CSMD1: variants seen among roughly 807,000 people sequenced by gnomAD.
The protein encoded by CSMD1 is CUB and Sushi multiple domains 1.
CSMD1 carries 213 observed loss-of-function variants against 417.5 expected under a neutral mutation model. That is an observed-to-expected ratio of 0.51 (90% CI 0.46 to 0.57). CSMD1 has a LOEUF of 0.57. Among genes scored for constraint, CSMD1 ranks in the 20% least tolerant of loss-of-function variants. The pLI is 0.00. For synonymous variants in CSMD1, 2,862 were observed against 1,736.8 expected, an observed-to-expected ratio of 1.65 and a Z score of -16.11; for missense variants, 6,923 against 4,529.7, an observed-to-expected ratio of 1.53 and a Z score of -15.17.
At chr8:4,247,558 A>G (rs1802787773) in intron 3 of CSMD1, among the ~76,000 whole-genome samples, 2 of 152,182 alleles carry the variant, frequency 1.3e-5, no homozygotes, top group Non-Finnish European at 2.9e-5. Flanking sequence ...GCTTTTAAGA[A>G]TTCCGCATAA....
At position 3,592,622 on chromosome 8, in the gene CSMD1, G is replaced by A. The variant is rs561128444; in HGVS notation, c.1098-6362C>T. On this transcript the variant is annotated intron_variant, in intron 8 of 69. Transcript: ENST00000635120. ...AAGAGGAACAAAGCTGTGAGCAGGAGGAAGGGTGAATGCTGAAGGGTCTAT... is the reference window on the plus strand; with the variant it reads ...AAGAGGAACAAAGCTGTGAGCAGGAAGAAGGGTGAATGCTGAAGGGTCTAT... Among the ~76,000 whole-genome samples the A allele has an allele frequency of 5.9e-5, 9 of 152,246 alleles. No individual in the cohort carries two copies. The East Asian group carries it at 1.7e-3, about 29-fold the overall frequency.
At chr8:3,809,730 G>A (rs528568500) in intron 5 of CSMD1, among the ~76,000 whole-genome samples, 22 of 152,252 alleles carry the variant, frequency 1.4e-4, no homozygotes, top group African/African-American at 4.8e-4. Context: ...GGTCTTCAAG[G>A]AAGGTTTTCC....
chr8:4,225,615 C>T (rs1326585512), intron 3 of CSMD1, among the ~76,000 whole-genome samples: 1 of 151,492 alleles, frequency 6.6e-6, no homozygotes, highest in Admixed American at 6.6e-5. Flanking sequence ...TGCTGTTGTC[C>T]ATTTTCCTGT....
chr8:3,513,430 A>G (rs944721105), intron 10 of CSMD1, among the ~76,000 whole-genome samples: 2 of 151,328 alleles, frequency 1.3e-5, no homozygotes, highest in Non-Finnish European at 2.9e-5. Context: ...AGGATCAAGC[A>G]TTCTCCCGAC....
chr8:3,382,032 C>A (rs1270536336), intron 18 of CSMD1, among the ~76,000 whole-genome samples: 2 of 152,054 alleles, frequency 1.3e-5, no homozygotes, highest in Non-Finnish European at 2.9e-5. Flanking sequence ...CCGAGGCAGG[C>A]AGATTACCTG....
intron 5 of CSMD1, among the ~76,000 whole-genome samples, chr8:3,963,103 G>C (rs1309979531): frequency 4.6e-5 from 7 of 152,024 alleles, no homozygotes; most frequent in African/African-American, 2.4e-5. Flanking sequence ...GCTAATTTTT[G>C]TGTTTTTTAG....
chr8:4,531,468 G>C (rs1024434698), intron 2 of CSMD1, among the ~76,000 whole-genome samples: 3 of 152,106 alleles, frequency 2.0e-5, no homozygotes, highest in African/African-American at 7.2e-5. Flanking sequence ...TATCTATGTG[G>C]CTTTGTTTTT....
chr8:3,851,357 A>C (rs1050072429), intron 5 of CSMD1, among the ~76,000 whole-genome samples: 2 of 152,196 alleles, frequency 1.3e-5, no homozygotes, highest in African/African-American at 4.8e-5. Context: ...CCATTCCCCA[A>C]ATGGCCATCC....
intron 23 of CSMD1, among the ~76,000 whole-genome samples, chr8:3,322,880 T>C (rs1806246012): frequency 1.3e-5 from 2 of 152,260 alleles, no homozygotes; most frequent in Admixed American, 1.3e-4. Flanking sequence ...GGCAAATGCC[T>C]GACTTAGGAA....
At chr8:3,586,051 G>C (rs1049425297) in intron 9 of CSMD1, 85 bp downstream of exon 9, 2 of 1,370,430 alleles carry the variant, frequency 1.5e-6, no homozygotes, top group African/African-American at 1.4e-5. Context: ...CATACACAAT[G>C]CTTCATGCTT....
chr8:4,136,117 C>T (rs1803417464), intron 3 of CSMD1, among the ~76,000 whole-genome samples: 1 of 152,088 alleles, frequency 6.6e-6, no homozygotes, highest in South Asian at 2.1e-4. Context: ...GGAAACTTTC[C>T]AAAGGACCTC....
intron 12 of CSMD1, among the ~76,000 whole-genome samples, chr8:3,467,547 C>G (rs1001735949): frequency 7.9e-5 from 12 of 152,104 alleles, no homozygotes; most frequent in Non-Finnish European, 1.3e-4. Context: ...CATTTTTTGT[C>G]GTAGTATTTC....
At position 4,447,620 on chromosome 8, in the gene CSMD1, G is replaced by C. The variant is rs142613444; in HGVS notation, c.303-27555C>G. 3.6e-3 allele frequency among the ~76,000 whole-genome samples: 546 copies of C among 152,274 alleles called. 6 individuals are homozygous for C. The highest frequency in any genetic ancestry group is 0.032 in the East Asian group (164 of 5,182). On this transcript the variant is annotated intron_variant, in intron 2 of 69. Transcript: ENST00000635120. Reference sequence around the variant, plus strand: ...CATGTAATACTTCCCACTTGACTAAGCTTGTTCAAAGTCGACAGGTTTACG... The same window carrying C: ...CATGTAATACTTCCCACTTGACTAACCTTGTTCAAAGTCGACAGGTTTACG...
intron 2 of CSMD1, among the ~76,000 whole-genome samples, chr8:4,625,320 A>T (rs1402608014): frequency 1.3e-5 from 2 of 152,078 alleles, no homozygotes; most frequent in East Asian, 3.9e-4. Context: ...GGATGTCTTA[A>T]AAAGTCTCAA....
At chr8:4,133,446 T>C (rs188945317) in intron 3 of CSMD1, among the ~76,000 whole-genome samples, 2 of 152,312 alleles carry the variant, frequency 1.3e-5, no homozygotes, top group Admixed American at 1.3e-4. Flanking sequence ...ATGTTATCAT[T>C]TACCTTATTT....
At chr8:3,026,304 G>A (rs779832201) in intron 51 of CSMD1, among the ~76,000 whole-genome samples, 2 of 151,794 alleles carry the variant, frequency 1.3e-5, no homozygotes, top group Non-Finnish European at 2.9e-5. Flanking sequence ...CCAGGAGCCA[G>A]GTTTGGGAAG....
chr8:2,947,751 GA>G (rs1403199498), intron 68 of CSMD1, among the ~76,000 whole-genome samples: 9 of 152,078 alleles, frequency 5.9e-5, no homozygotes, highest in Admixed American at 1.3e-4. Context: ...TAGAGCAAGA[GA>G]AAAAACATCA....
intron 5 of CSMD1, among the ~76,000 whole-genome samples, chr8:3,910,498 T>G (rs575985804): frequency 2.0e-5 from 3 of 152,342 alleles, no homozygotes; most frequent in South Asian, 2.1e-4. Context: ...GTGAACCAAG[T>G]AAACATTATA....
chr8:4,091,937 T>C (rs1393760766), intron 3 of CSMD1, among the ~76,000 whole-genome samples: 3 of 152,200 alleles, frequency 2.0e-5, no homozygotes, highest in Non-Finnish European at 4.4e-5. Context: ...TATTTAAAAA[T>C]GTCATTGAGG....
Sources: allele counts gnomAD v4.1 joint callset (sites outside exome capture counted in the v4.1 genomes callset), GRCh38; gene constraint gnomAD v4.1.1; transcripts MANE v1.5; gene names NCBI Gene and HGNC (gene_info 2026-07-23, HGNC 2026-07-21).